DNAAF3: variants seen among roughly 807,000 people sequenced by gnomAD.
The protein encoded by DNAAF3 is UPF0470 protein C19orf51.
A neutral mutation model predicts 50.9 loss-of-function variants in DNAAF3; 40 were observed. The ratio of observed to expected loss-of-function variants is 0.79; its 90% CI spans 0.61 to 1.02. DNAAF3 has a LOEUF of 1.02. DNAAF3 is among the 50% of genes least tolerant of loss of function. The pLI is 0.00. For missense variants in DNAAF3, 763 were observed against 744.7 expected, an observed-to-expected ratio of 1.02 and a Z score of -0.29; for synonymous variants, 327 against 322.8, an observed-to-expected ratio of 1.01 and a Z score of -0.14.
rs1220681383 is a variant in DNAAF3 at position 55,161,116 on chromosome 19, G to A, written c.861C>T (p.Ile287=). The change falls in exon 8 of 12, where the codon ATC becomes ATT. Residue 287 remains isoleucine, a synonymous_variant. Coordinates refer to ENST00000524407, the MANE Select transcript of DNAAF3 (RefSeq NM_001256715.2). This position sits in a 1 kb window ranked among gnomAD's most constrained non-coding sequence, Gnocchi z 6.4. ...IATGPFVAFG[I]EADDESLLRT... ...GCAGGAGGCTCTCGTCGTCCGCTTC[G>A]ATGCCGAAGGCCACGAAGGGCCCCG... 6.5e-7 allele frequency: 1 copy of A among 1,546,354 alleles called. No individual in the cohort carries two copies. The highest frequency in any genetic ancestry group is 8.7e-7 in the Non-Finnish European group (1 of 1,147,062).
Position 55,160,733 on chromosome 19 carries a change from G to A in DNAAF3, c.955C>T (p.Arg319Cys), listed in dbSNP as rs768025172. 5.6e-6 allele frequency: 9 copies of A among 1,612,738 alleles called. No homozygotes were observed. Among genetic ancestry groups the A allele is most frequent in the Non-Finnish European group, 7.6e-6 (9 of 1,179,850 alleles). The change falls in exon 9 of 12, where the codon CGC becomes TGC. Residue 319 changes from arginine (R) to cysteine (C), a missense_variant. Arg to Cys is a radical substitution (Grantham distance 180). Transcript: ENST00000524407. The surrounding 1 kb of genome is among the most constrained non-coding windows in gnomAD (Gnocchi z 4.7). ...GCGCGCCCCCAGGCGGCCACGTCGCGGAGCAGCTCCGTCACGTTGTGTTGA... is the reference window on the plus strand; with the variant it reads ...GCGCGCCCCCAGGCGGCCACGTCGCAGAGCAGCTCCGTCACGTTGTGTTGA... ...ITQHNVTELLRDVAAWGRARA... is the reference protein window; with the variant it reads ...ITQHNVTELLCDVAAWGRARA...
At position 55,166,104 on chromosome 19, in the gene DNAAF3, C is replaced by A; in HGVS notation, c.86-104G>T. 6.3e-7 allele frequency: 1 copy of A among 1,592,526 alleles called. No homozygotes were observed. The highest frequency in any genetic ancestry group is 1.1e-5 in the South Asian group (1 of 88,538). ...TACAAATCCCAGTAGGCGTTCCGCC[C>A]GTGGCCTAGGTTCTAAGGGGAGGTG... On this transcript the variant is annotated intron_variant, in intron 2 of 11. Coordinates refer to ENST00000524407, the MANE Select transcript of DNAAF3 (RefSeq NM_001256715.2). The surrounding 1 kb of genome is among the most constrained non-coding windows in gnomAD (Gnocchi z 4.0).
chr19:55,165,020 T>C (rs1042034312), intron 4 of DNAAF3, among the ~76,000 whole-genome samples: 1 of 130,540 alleles, frequency 7.7e-6, no homozygotes, highest in Non-Finnish European at 1.6e-5. Context: ...AGTTTCGCTC[T>C]CTTTTTTTTT....
In DNAAF3 at chr19:55,166,518, C is replaced by A. The variant is rs114393069; in HGVS notation, c.-5+5G>T. The A allele has an allele frequency of 1.5e-3, 2,352 of 1,614,094 alleles. 31 individuals are homozygous for A. The African/African-American group carries it at 0.028, about 19-fold the overall frequency. ...CTTTGCCTCCACATGATACCTTGCCCACACCTTTATCCTCCAAATATCCCG... is the reference window on the plus strand; with the variant it reads ...CTTTGCCTCCACATGATACCTTGCCAACACCTTTATCCTCCAAATATCCCG... On this transcript the variant is annotated splice_donor_5th_base_variant and intron_variant, in intron 1 of 11. Transcript: ENST00000524407. This position sits in a 1 kb window ranked among gnomAD's most constrained non-coding sequence, Gnocchi z 4.0.
At chr19:55,164,450 C>T (rs2085900485) in intron 4 of DNAAF3, among the ~76,000 whole-genome samples, 1 of 152,134 alleles carries the variant, frequency 6.6e-6, no homozygotes. Context: ...CCATTGCACT[C>T]CAATCTGGGC....
intron 4 of DNAAF3, among the ~76,000 whole-genome samples, chr19:55,163,151 A>C (rs1487173649): frequency 6.6e-6 from 1 of 151,002 alleles, no homozygotes; most frequent in African/African-American, 2.4e-5. Context: ...CTGGGACTAC[A>C]AGCGCCCGCC....
Position 55,165,350 on chromosome 19 carries a change from C to A in DNAAF3, c.322+20G>T, listed in dbSNP as rs1455591149. 2 of 1,611,136 alleles carry A rather than the reference C, an allele frequency of 1.2e-6. No individual in the cohort carries two copies. Among genetic ancestry groups the A allele is most frequent in the Non-Finnish European group, 1.7e-6 (2 of 1,177,324 alleles). On this transcript the variant is annotated intron_variant, in intron 4 of 11. Transcript: ENST00000524407. ...GGGGAGGAGACCAGCGGTCAGAATG[C>A]CTGGGTCCTAGCAACAGACCTTGCA...
At chr19:55,162,940 G>C (rs1385400949) in intron 4 of DNAAF3, 2 of 151,028 alleles carry the variant, frequency 1.3e-5, no homozygotes, top group Non-Finnish European at 2.9e-5. Context: ...AGCTAGCTGG[G>C]GCTAGGCATT....
rs934275253 is a variant in DNAAF3, at chr19:55,164,341, G to C, written c.322+1029C>G. On this transcript the variant is annotated intron_variant, in intron 4 of 11. Coordinates refer to ENST00000524407, the MANE Select transcript of DNAAF3 (RefSeq NM_001256715.2). The stretch of plus-strand genomic sequence containing the variant: ...ACTAAAAATACAAAACCTTAGCCGG[G>C]CATGGTGGTGCATGCCTGTAATCCC... Among the ~76,000 whole-genome samples the C allele has an allele frequency of 2.2e-4, 34 of 152,048 alleles. 1 individual carries two copies. The highest frequency in any genetic ancestry group is 5.9e-5 in the Non-Finnish European group (4 of 68,018).
At position 55,160,145 on chromosome 19, in the gene DNAAF3, C is replaced by T. The variant is rs1250695311; in HGVS notation, c.1049-132G>A. 4 of 671,322 alleles carry T rather than the reference C, an allele frequency of 6.0e-6. No homozygotes were observed. Among genetic ancestry groups the T allele is most frequent in the East Asian group, 2.7e-5 (1 of 37,040 alleles). The allele number at this position is 671,322 out of a possible 1,614,324, so 41.6% of individuals were successfully genotyped here. ...GGAGATAACACTTTTTGTCCTCTTGCAGCTTTTTAAAAAATCCTCTAAGGT... is the reference window on the plus strand; with the variant it reads ...GGAGATAACACTTTTTGTCCTCTTGTAGCTTTTTAAAAAATCCTCTAAGGT... On this transcript the variant is annotated intron_variant, in intron 9 of 11. Transcript: ENST00000524407. The surrounding 1 kb of genome is among the most constrained non-coding windows in gnomAD (Gnocchi z 4.7).
At position 55,161,233 on chromosome 19, in the gene DNAAF3, C is replaced by G. The variant is rs74380007; in HGVS notation, c.790-46G>C. On this transcript the variant is annotated intron_variant, in intron 7 of 11. Coordinates refer to ENST00000524407, the MANE Select transcript of DNAAF3 (RefSeq NM_001256715.2). This position sits in a 1 kb window ranked among gnomAD's most constrained non-coding sequence, Gnocchi z 6.4. ...GAGGCAGGTGAGGTCGATGTTGGGG[C>G]CCCTGACTCCTAGGACTCCGAGCAG... 14 of 1,591,944 alleles carry G rather than the reference C, an allele frequency of 8.8e-6. No individual in the cohort carries two copies. Among genetic ancestry groups the G allele is most frequent in the Non-Finnish European group, 1.2e-5 (14 of 1,166,334 alleles).
chr19:55,161,468 G>A lies in DNAAF3; in HGVS notation c.664-50C>T. On this transcript the variant is annotated intron_variant, in intron 6 of 11. Coordinates refer to ENST00000524407, the MANE Select transcript of DNAAF3 (RefSeq NM_001256715.2). This position sits in a 1 kb window ranked among gnomAD's most constrained non-coding sequence, Gnocchi z 6.4. ...GAGCCCTCAGTGAACCGAGCGTGGAGAGACCCCTACACCAGCCTCCCTCAG... is the reference window on the plus strand; with the variant it reads ...GAGCCCTCAGTGAACCGAGCGTGGAAAGACCCCTACACCAGCCTCCCTCAG... 2 of 1,562,684 alleles carry A rather than the reference G, an allele frequency of 1.3e-6. No homozygotes were observed. The highest frequency in any genetic ancestry group is 1.7e-6 in the Non-Finnish European group (2 of 1,154,624).
At position 55,161,057 on chromosome 19, in the gene DNAAF3, C is replaced by T. The variant is rs1190655661; in HGVS notation, c.912+8G>A. ...ACCTCTACCCCCAGTCCCAGCCTCG[C>T]CGCGCACCTTGACTGGCTGGCCGTT... is the stretch of plus-strand genomic sequence containing the variant. On this transcript the variant is annotated splice_region_variant and intron_variant, in intron 8 of 11. Coordinates refer to ENST00000524407, the MANE Select transcript of DNAAF3 (RefSeq NM_001256715.2). This position sits in a 1 kb window ranked among gnomAD's most constrained non-coding sequence, Gnocchi z 6.4. 1.3e-6 allele frequency: 2 copies of T among 1,537,134 alleles called. No individual in the cohort carries two copies. Among genetic ancestry groups the T allele is most frequent in the Non-Finnish European group, 1.7e-6 (2 of 1,143,796 alleles).
intron 11 of DNAAF3, 36 bp downstream of exon 11, chr19:55,159,497 C>G: frequency 6.2e-7 from 1 of 1,600,678 alleles, no homozygotes; most frequent in East Asian, 2.2e-5. Flanking sequence ...TGATCCCCAG[C>G]CAGGATGTTC....
rs1405303880 is a variant in DNAAF3 at position 55,161,136 on chromosome 19, G to A, written c.841C>T (p.Pro281Ser). The A allele has an allele frequency of 6.4e-7, 1 of 1,550,556 alleles. No individual in the cohort carries two copies. Among genetic ancestry groups the A allele is most frequent in the Admixed American group, 1.9e-5 (1 of 51,330 alleles). Residue 281 changes from proline to serine, a missense_variant, in exon 8 of 12, where the codon CCC (proline) becomes TCC (serine). Transcript: ENST00000524407. This position sits in a 1 kb window ranked among gnomAD's most constrained non-coding sequence, Gnocchi z 6.4. The stretch of plus-strand genomic sequence containing the variant: ...GCTTCGATGCCGAAGGCCACGAAGG[G>A]CCCCGTGGCGATGTCCCCCCAGTAC... ...RGYWGDIATG[P>S]FVAFGIEADD...
rs771806394 is a variant in DNAAF3, at chr19:55,166,361, C to T, written c.53G>A (p.Gly18Asp). The T allele has an allele frequency of 1.2e-6, 2 of 1,613,804 alleles. No homozygotes were observed. Among genetic ancestry groups the T allele is most frequent in the Non-Finnish European group, 1.7e-6 (2 of 1,179,892 alleles). Reference sequence around the variant, plus strand: ...CTGCAGGTCCAGCGCCGGGGACAGGCCCCACCAGGACACGGAGCCGAAGCC... The same window carrying T: ...CTGCAGGTCCAGCGCCGGGGACAGGTCCCACCAGGACACGGAGCCGAAGCC... ...GSGFGSVSWW[G>D]LSPALDLQAE... Residue 18 changes from glycine to aspartate, a missense_variant, in exon 2 of 12, where the codon GGC becomes GAC. Coordinates refer to ENST00000524407, the MANE Select transcript of DNAAF3 (RefSeq NM_001256715.2). This position sits in a 1 kb window ranked among gnomAD's most constrained non-coding sequence, Gnocchi z 4.0.
chr19:55,164,104 G>T (rs946084476), intron 4 of DNAAF3, among the ~76,000 whole-genome samples: 1 of 151,994 alleles, frequency 6.6e-6, no homozygotes, highest in Admixed American at 6.6e-5. Flanking sequence ...CATCCCCTTC[G>T]CCTCCTGTCA....
chr19:55,161,017 C>T lies in DNAAF3; in HGVS notation c.912+48G>A. 3.3e-6 allele frequency: 5 copies of T among 1,499,088 alleles called. No individual in the cohort carries two copies. The highest frequency in any genetic ancestry group is 3.6e-6 in the Non-Finnish European group (4 of 1,125,202). The allele number at this position is 1,499,088 out of a possible 1,614,324, so 92.9% of individuals were successfully genotyped here. A position where few individuals can be genotyped will look rare whatever the true frequency, so the allele number is the denominator to read the frequency against. The stretch of plus-strand genomic sequence containing the variant: ...GTGGGGGCGGGGCCTTGCGCACCCA[C>T]CGACCCCCAGCCCCACCTCTACCCC... On this transcript the variant is annotated intron_variant, in intron 8 of 11. Coordinates refer to ENST00000524407, the MANE Select transcript of DNAAF3 (RefSeq NM_001256715.2). This position sits in a 1 kb window ranked among gnomAD's most constrained non-coding sequence, Gnocchi z 6.4.
intron 10 of DNAAF3, 117 bp downstream of exon 10, chr19:55,159,782 C>A (rs1368282803): frequency 2.1e-6 from 2 of 965,222 alleles, no homozygotes; most frequent in East Asian, 6.3e-5. Flanking sequence ...GGGCTGGGGG[C>A]CTGGACCCCT....
Sources: gnomAD v4.1 joint callset for allele counts (sites outside exome capture counted in the v4.1 genomes callset) on GRCh38, gnomAD v4.1.1 for gene constraint, Gnocchi (gnomAD v3.1) non-coding constraint, MANE v1.5 for transcripts, NCBI Gene and HGNC (gene_info 2026-07-23, HGNC 2026-07-21) for gene names.